Variants in RC3H1 observed in about 807,000 individuals in gnomAD.
RC3H1 encodes the protein roquin-1.
RC3H1 carries 50 observed loss-of-function variants against 138.2 expected under a neutral mutation model. That is an observed-to-expected ratio of 0.36 (90% CI 0.29 to 0.46). The LOEUF (loss-of-function observed/expected upper bound fraction) is 0.46. Among genes scored for constraint, RC3H1 ranks in the 20% least tolerant of loss-of-function variants. The pLI, the probability that RC3H1 is intolerant of heterozygous loss-of-function variation, is 1.00. For synonymous variants in RC3H1, 462 were observed against 489.1 expected (o/e 0.94, Z 0.73); for missense variants, 1,031 against 1,388.1 (o/e 0.74, Z 4.09).
intron 1 of RC3H1, among the ~76,000 whole-genome samples, chr1:174,021,880 A>AGAGGCCT (rs1174405008): frequency 1.3e-5 from 2 of 152,208 alleles, no homozygotes; most frequent in East Asian, 3.9e-4. Flanking sequence ...GGCGGCATGC[A>AGAGGCCT]GAGGCCTGAG....
chr1:173,978,843 T>G (rs927818966), intron 6 of RC3H1, among the ~76,000 whole-genome samples: 3 of 152,176 alleles, frequency 2.0e-5, no homozygotes, highest in Admixed American at 2.0e-4. Flanking sequence ...TGCTGTCACA[T>G]TCTTCAAATG....
chr1:174,013,244 T>C (rs1313568611), intron 1 of RC3H1, among the ~76,000 whole-genome samples: 1 of 151,782 alleles, frequency 6.6e-6, no homozygotes, highest in East Asian at 1.9e-4. Flanking sequence ...ACTGAGATCA[T>C]ATAAACAGGA....
At chr1:174,003,027 C>T (rs958864085) in intron 1 of RC3H1, among the ~76,000 whole-genome samples, 5 of 152,272 alleles carry the variant, frequency 3.3e-5, no homozygotes, top group African/African-American at 1.2e-4. Context: ...CCATGTTCAT[C>T]TCCTCCCCAC....
intron 19 of RC3H1, among the ~76,000 whole-genome samples, chr1:173,939,692 G>T (rs371987457): frequency 3.6e-4 from 55 of 151,766 alleles, no homozygotes; most frequent in Non-Finnish European, 6.5e-4. Context: ...AAAACTAGCC[G>T]GGTGTGGTGG....
chr1:174,006,988 A>G (rs537165886), intron 1 of RC3H1, among the ~76,000 whole-genome samples: 1 of 152,218 alleles, frequency 6.6e-6, no homozygotes, highest in African/African-American at 2.4e-5. Flanking sequence ...CAGCATCTCA[A>G]AAGGCCCCCC....
intron 14 of RC3H1, among the ~76,000 whole-genome samples, chr1:173,951,217 C>T (rs1421467579): frequency 5.9e-5 from 9 of 151,952 alleles, no homozygotes; most frequent in East Asian, 1.9e-4. Flanking sequence ...CCCAGCTACT[C>T]GGGAGGCTGA....
intron 14 of RC3H1, among the ~76,000 whole-genome samples, chr1:173,949,718 A>T (rs1659302051): frequency 6.6e-6 from 1 of 152,002 alleles, no homozygotes; most frequent in African/African-American, 2.4e-5. Flanking sequence ...GACATACATA[A>T]GAATGTTTGA....
intron 1 of RC3H1, among the ~76,000 whole-genome samples, chr1:174,018,083 G>A (rs1349227790): frequency 2.6e-5 from 4 of 152,010 alleles, no homozygotes; most frequent in Non-Finnish European, 4.4e-5. Flanking sequence ...CAGGTAAGGC[G>A]GGAATAACAC....
intron 9 of RC3H1, among the ~76,000 whole-genome samples, chr1:173,967,273 T>C (rs1660162371): frequency 6.6e-6 from 1 of 152,106 alleles, no homozygotes. Context: ...TGGGCCATGA[T>C]TGCATCACTG....
In RC3H1 at chr1:173,992,205, C is replaced by T. The variant is rs151028780; in HGVS notation, c.231+550G>A. 1.6e-4 allele frequency among the ~76,000 whole-genome samples: 25 copies of T among 152,238 alleles called. No homozygotes were observed. The East Asian group carries it at 4.1e-3, about 25-fold the overall frequency. On this transcript the variant is annotated intron_variant, in intron 2 of 19. Coordinates refer to ENST00000367696, the MANE Select transcript of RC3H1 (RefSeq NM_172071.4). ...CTCTGTCACCCAGGCTGGAGTGCAGCACGATCTCGGCTCACTGCAACCTCT... is the reference window on the plus strand; with the variant it reads ...CTCTGTCACCCAGGCTGGAGTGCAGTACGATCTCGGCTCACTGCAACCTCT...
At chr1:173,970,129 T>C (rs1165707597) in intron 9 of RC3H1, among the ~76,000 whole-genome samples, 2 of 152,210 alleles carry the variant, frequency 1.3e-5, no homozygotes, top group African/African-American at 2.4e-5. Flanking sequence ...AATATTTGCA[T>C]ATACATAAGG....
At chr1:173,998,672 T>C (rs771722985) in intron 1 of RC3H1, among the ~76,000 whole-genome samples, 1 of 152,202 alleles carries the variant, frequency 6.6e-6, no homozygotes, top group Non-Finnish European at 1.5e-5. Context: ...TTTATCCCAA[T>C]GTCTAAATTC....
Position 173,970,489 on chromosome 1 carries a change from T to C in RC3H1, c.1334+16A>G. ...ACTTACACCTTATTCCAAAGTCTCC[T>C]GACTTTCACACTTACTTTTCCAGTT... is the stretch of plus-strand genomic sequence containing the variant. On this transcript the variant is annotated intron_variant, in intron 9 of 19. Transcript: ENST00000367696. The C allele has an allele frequency of 6.4e-7, 1 of 1,553,988 alleles. No individual in the cohort carries two copies. Among genetic ancestry groups the C allele is most frequent in the South Asian group, 1.1e-5 (1 of 89,790 alleles).
Position 173,943,430 on chromosome 1 carries a change from C to T in RC3H1, c.3135+12G>A. 6.2e-7 allele frequency: 1 copy of T among 1,605,844 alleles called. No homozygotes were observed. Among genetic ancestry groups the T allele is most frequent in the Non-Finnish European group, 8.5e-7 (1 of 1,175,300 alleles). ...TTTCACCTTCCCTCTCTTTCCCCAC[C>T]ATAACACTCACCATACTCAGTTCCC... On this transcript the variant is annotated intron_variant, in intron 18 of 19. Transcript: ENST00000367696.
chr1:173,939,725 C>A (rs559887232), intron 19 of RC3H1, among the ~76,000 whole-genome samples: 1 of 151,376 alleles, frequency 6.6e-6, no homozygotes, highest in South Asian at 2.1e-4. Context: ...GTCCCAGCTA[C>A]TCGGGAGGCT....
At chr1:173,951,015 C>T (rs1271574872) in intron 14 of RC3H1, among the ~76,000 whole-genome samples, 2 of 151,176 alleles carry the variant, frequency 1.3e-5, no homozygotes, top group East Asian at 3.9e-4. Flanking sequence ...AAAGATCGAT[C>T]CTATCTCTAT....
chr1:173,939,255 A>G (rs1658727094), intron 19 of RC3H1, among the ~76,000 whole-genome samples: 1 of 152,118 alleles, frequency 6.6e-6, no homozygotes, highest in South Asian at 2.1e-4. Flanking sequence ...TTGCTACTAC[A>G]AGAAATAATT....
At chr1:173,974,171 T>C (rs1010073587) in intron 7 of RC3H1, among the ~76,000 whole-genome samples, 4 of 149,284 alleles carry the variant, frequency 2.7e-5, no homozygotes, top group Non-Finnish European at 5.9e-5. Flanking sequence ...TCCCAGCTAC[T>C]CCGGAAGCCA....
At chr1:174,008,054 A>G (rs1026354098) in intron 1 of RC3H1, among the ~76,000 whole-genome samples, 2 of 152,124 alleles carry the variant, frequency 1.3e-5, no homozygotes, top group Non-Finnish European at 2.9e-5. Context: ...ACTTGCTTCT[A>G]TTTCTTTTTC....
Sources: gnomAD v4.1 joint callset for allele counts (sites outside exome capture counted in the v4.1 genomes callset) on GRCh38, gnomAD v4.1.1 for gene constraint, MANE v1.5 for transcripts, NCBI Gene and HGNC (gene_info 2026-07-23, HGNC 2026-07-21) for gene names.